Variants in PDGFB observed in about 807,000 individuals in gnomAD.
The protein encoded by PDGFB is platelet derived growth factor subunit B.
A neutral mutation model predicts 29.0 loss-of-function variants in PDGFB; 6 were observed. The ratio of observed to expected loss-of-function variants is 0.21; its 90% CI spans 0.11 to 0.41. The LOEUF (loss-of-function observed/expected upper bound fraction) is 0.41. Among genes scored for constraint, PDGFB ranks in the 10% least tolerant of loss-of-function variants. The pLI is 1.00. For synonymous variants in PDGFB, 144 were observed against 140.8 expected (o/e 1.02, Z -0.16); for missense variants, 299 against 341.8 (o/e 0.87, Z 0.99).
chr22:39,234,012 C>CGGAGGGAG (rs3043558), intron 2 of PDGFB, among the ~76,000 whole-genome samples: 6 of 115,250 alleles, frequency 5.2e-5, no homozygotes, highest in Admixed American at 8.9e-5. Flanking sequence ...GCGGGAGCCA[C>CGGAGGGAG]GGAGGGAGGG....
intron 1 of PDGFB, 49 bp from the exon 2 acceptor site, chr22:39,235,923 C>A: frequency 1.6e-6 from 2 of 1,267,838 alleles, no homozygotes; most frequent in Non-Finnish European, 2.3e-6. Context: ...TGGGGGCTTT[C>A]CAGCATGGCT....
chr22:39,225,665 T>C, intron 6 of PDGFB, 30 bp downstream of exon 6: 1 of 1,581,466 alleles, frequency 6.3e-7, no homozygotes, highest in Non-Finnish European at 8.6e-7. Context: ...CACAGGATTC[T>C]GGGCCTCAGT....
At chr22:39,239,803 C>T (rs948102278) in intron 1 of PDGFB, among the ~76,000 whole-genome samples, 1 of 152,164 alleles carries the variant, frequency 6.6e-6, no homozygotes, top group Non-Finnish European at 1.5e-5. Flanking sequence ...CTGCTCCCAA[C>T]CAGGCTGGCA....
intron 1 of PDGFB, among the ~76,000 whole-genome samples, chr22:39,241,405 C>G (rs928288373): frequency 3.3e-5 from 5 of 152,242 alleles, no homozygotes; most frequent in Admixed American, 2.6e-4. Flanking sequence ...ATGCAGGTCC[C>G]CTCCCCCAGG....
chr22:39,234,774 A>G (rs916744973), intron 2 of PDGFB, among the ~76,000 whole-genome samples: 1 of 152,230 alleles, frequency 6.6e-6, no homozygotes, highest in African/African-American at 2.4e-5. Context: ...CAGGCCTGCT[A>G]TTGAAACCTC....
chr22:39,230,323 T>A, intron 4 of PDGFB, 95 bp from the exon 5 acceptor site: 1 of 1,271,004 alleles, frequency 7.9e-7, no homozygotes, highest in Non-Finnish European at 1.1e-6. Flanking sequence ...CGGTGTCCCC[T>A]GCAGCAATCT....
At chr22:39,235,042 C>T (rs545347005) in intron 2 of PDGFB, among the ~76,000 whole-genome samples, 6 of 152,184 alleles carry the variant, frequency 3.9e-5, no homozygotes, top group East Asian at 3.9e-4. Flanking sequence ...TGAAAGGGCC[C>T]GGGAATGCTT....
chr22:39,236,946 A>G (rs1222583340), intron 1 of PDGFB, among the ~76,000 whole-genome samples: 1 of 152,108 alleles, frequency 6.6e-6, no homozygotes, highest in Non-Finnish European at 1.5e-5. Context: ...TTGGCACATT[A>G]CTATAGAACC....
chr22:39,234,819 A>G (rs1181713721), intron 2 of PDGFB, among the ~76,000 whole-genome samples: 3 of 152,188 alleles, frequency 2.0e-5, no homozygotes, highest in Non-Finnish European at 4.4e-5. Flanking sequence ...AGGGGTGTGG[A>G]GGGGCCGTCT....
chr22:39,227,032 C>T (rs1174152597), intron 5 of PDGFB, among the ~76,000 whole-genome samples: 3 of 152,258 alleles, frequency 2.0e-5, no homozygotes, highest in African/African-American at 7.2e-5. Context: ...GATCTCAGCT[C>T]ACTGCAACCT....
In PDGFB at chr22:39,243,252, GTCTCTCTCTCTCTCTCTCTCTTTC is replaced by G. The variant is rs1269490891; in HGVS notation, c.63+625_63+648del. ...CCTCTCTCTCTCCGTCTCTCTCTCC[GTCTCTCTCTCTCTCTCTCTCTTTC>G]TCTCTCTCTCTCTCTCTCTCCCTGT... On this transcript the variant is annotated intron_variant, in intron 1 of 6. Transcript: ENST00000331163. The surrounding 1 kb of genome is among the most constrained non-coding windows in gnomAD (Gnocchi z 6.4). Among the ~76,000 whole-genome samples the G allele has an allele frequency of 2.8e-5, 4 of 143,794 alleles. No homozygotes were observed. Among genetic ancestry groups the G allele is most frequent in the Admixed American group, 1.3e-4 (2 of 14,816 alleles). 94.3% of individuals were successfully genotyped at this position (143,794 alleles called of 152,430 possible). A position where few individuals can be genotyped will look rare whatever the true frequency, so the allele number is the denominator to read the frequency against.
At chr22:39,235,735 G>T in intron 2 of PDGFB, 43 bp downstream of exon 2, 1 of 1,413,446 alleles carries the variant, frequency 7.1e-7, no homozygotes, top group Non-Finnish European at 1.0e-6. Flanking sequence ...ATCTCTTAAA[G>T]TCTCCTCGGA....
intron 2 of PDGFB, among the ~76,000 whole-genome samples, chr22:39,234,012 C>CAGAG (rs1555922754): frequency 2.7e-4 from 31 of 115,250 alleles, no homozygotes; most frequent in African/African-American, 1.1e-3. Flanking sequence ...GCGGGAGCCA[C>CAGAG]GGAGGGAGGG....
In PDGFB at chr22:39,243,408, C is replaced by A. The variant is rs1932619080; in HGVS notation, c.63+493G>T. 6.6e-6 allele frequency among the ~76,000 whole-genome samples: 1 copy of A among 152,068 alleles called. No homozygotes were observed. Among genetic ancestry groups the A allele is most frequent in the South Asian group, 2.1e-4 (1 of 4,832 alleles). The stretch of plus-strand genomic sequence containing the variant: ...GGAGGGCGTCCACCCGGACCCCGAC[C>A]GGGAGCCAGGGTGGGACCCGAGCCC... On this transcript the variant is annotated intron_variant, in intron 1 of 6. Coordinates refer to ENST00000331163, the MANE Select transcript of PDGFB (RefSeq NM_002608.4). The surrounding 1 kb of genome is among the most constrained non-coding windows in gnomAD (Gnocchi z 6.4).
At chr22:39,233,349 GC>G in intron 3 of PDGFB, 85 bp downstream of exon 3, 1 of 937,566 alleles carries the variant, frequency 1.1e-6, no homozygotes, top group Non-Finnish European at 1.6e-6. Flanking sequence ...GACCCTCGGG[GC>G]CCTCCGACTG....
At chr22:39,228,482 A>G (rs1244955323) in intron 5 of PDGFB, among the ~76,000 whole-genome samples, 1 of 152,066 alleles carries the variant, frequency 6.6e-6, no homozygotes, top group Non-Finnish European at 1.5e-5. Flanking sequence ...CCAGCTACTC[A>G]GGAGGCTGAG....
Position 39,244,120 on chromosome 22 carries a change from C to T in PDGFB, c.-157G>A. The T allele has an allele frequency of 2.9e-6, 1 of 341,080 alleles. No individual in the cohort carries two copies. Among genetic ancestry groups the T allele is most frequent in the Non-Finnish European group, 5.2e-6 (1 of 193,204 alleles). 21.1% of individuals were successfully genotyped at this position (341,080 alleles called of 1,614,324 possible). A position where few individuals can be genotyped will look rare whatever the true frequency, so the allele number is the denominator to read the frequency against. On this transcript the variant is annotated 5_prime_UTR_variant, in exon 1 of 7. Transcript: ENST00000331163. The surrounding 1 kb of genome is among the most constrained non-coding windows in gnomAD (Gnocchi z 4.5). ...TGCAGCCGCGGCTCACCCGCATGGC[C>T]CCCGGGCGCCGCCGCCCCCGGCCCC...
intron 5 of PDGFB, among the ~76,000 whole-genome samples, chr22:39,227,162 T>A (rs1015133555): frequency 6.6e-6 from 1 of 152,080 alleles, no homozygotes; most frequent in Non-Finnish European, 1.5e-5. Flanking sequence ...TTTCACCATG[T>A]TGGCCAGGCT....
chr22:39,231,745 T>C lies in PDGFB; in HGVS notation c.333A>G (p.Ile111Met). ...TEVFEISRRLIDRTNANFLVW... is the reference protein window; with the variant it reads ...TEVFEISRRLMDRTNANFLVW... ...CCAGGAAGTTGGCGTTGGTGCGGTC[T>C]ATGAGGCGCCGGGAGATCTCGAACA... The change falls in exon 4 of 7, where the codon ATA becomes ATG. Residue 111 changes from isoleucine (I) to methionine (M), a missense_variant. By Grantham distance (10) the Ile-to-Met change is conservative (BLOSUM62 1). Transcript: ENST00000331163. This position sits in a 1 kb window ranked among gnomAD's most constrained non-coding sequence, Gnocchi z 4.3. 1 of 1,613,184 alleles carries C rather than the reference T, an allele frequency of 6.2e-7. No homozygotes were observed. Among genetic ancestry groups the C allele is most frequent in the Admixed American group, 1.7e-5 (1 of 59,932 alleles).
Sources: allele counts gnomAD v4.1 joint callset (sites outside exome capture counted in the v4.1 genomes callset), GRCh38; gene constraint gnomAD v4.1.1; non-coding constraint Gnocchi (gnomAD v3.1); transcripts MANE v1.5; gene names NCBI Gene and HGNC (gene_info 2026-07-23, HGNC 2026-07-21).